PLEKHG1: variants seen among roughly 807,000 people sequenced by gnomAD.
The protein encoded by PLEKHG1 is pleckstrin homology and RhoGEF domain containing G1, also known as pleckstrin homology domain-containing family G member 1.
In PLEKHG1, 44 loss-of-function variants were observed where a neutral mutation model predicts 100.8. That is an observed-to-expected ratio of 0.44 (90% CI 0.34 to 0.56). The LOEUF (loss-of-function observed/expected upper bound fraction) is 0.56. Among genes scored for constraint, PLEKHG1 ranks in the 20% least tolerant of loss-of-function variants. PLEKHG1 has a pLI of 0.01. For missense variants in PLEKHG1, 1,545 were observed against 1,720.9 expected (o/e 0.90, Z 1.81); for synonymous variants, 640 against 662.5 (o/e 0.97, Z 0.52).
At chr6:150,645,155 C>T (rs536005167) in intron 2 of PLEKHG1, among the ~76,000 whole-genome samples, 2 of 152,270 alleles carry the variant, frequency 1.3e-5, no homozygotes, top group South Asian at 4.2e-4. Context: ...AAATAGTAAT[C>T]TTGAAACAGG....
upstream of PLEKHG1, among the ~76,000 whole-genome samples, chr6:150,720,826 C>T (rs1583000274): frequency 1.3e-5 from 2 of 152,076 alleles, no homozygotes; most frequent in South Asian, 2.1e-4. Flanking sequence ...CAGCTTTGGG[C>T]GAGTGTGGGT....
In PLEKHG1 at chr6:150,638,475, C is replaced by G. The variant is rs112702808; in HGVS notation, c.-158+350C>G. Among the ~76,000 whole-genome samples, 1,481 of 152,314 alleles carry G rather than the reference C, an allele frequency of 9.7e-3. 28 individuals carry two copies. The highest frequency in any genetic ancestry group is 0.033 in the African/African-American group (1,366 of 41,570). On this transcript the variant is annotated intron_variant, in intron 2 of 3. Transcript: ENST00000367326. ...GATTTTTTCCTAACATTCATTGACC[C>G]TTGCTTGAACCTTTCTTCTCATTGC...
At chr6:150,693,050 T>C (rs548827539) in intron 3 of PLEKHG1, among the ~76,000 whole-genome samples, 11 of 152,282 alleles carry the variant, frequency 7.2e-5, no homozygotes, top group African/African-American at 2.6e-4. Context: ...CTCAGGGAAC[T>C]GTTCCTGCGG....
At chr6:150,680,260 A>G (rs1353774947) in intron 3 of PLEKHG1, among the ~76,000 whole-genome samples, 3 of 152,214 alleles carry the variant, frequency 2.0e-5, no homozygotes, top group Non-Finnish European at 4.4e-5. Flanking sequence ...TGAATTAAGA[A>G]GTAAAGAAAT....
intron 4 of PLEKHG1, among the ~76,000 whole-genome samples, chr6:150,787,333 C>T (rs1037457507): frequency 1.3e-5 from 2 of 152,172 alleles, no homozygotes; most frequent in African/African-American, 4.8e-5. Flanking sequence ...ACAGTGAGCT[C>T]GTGCTCCGAA....
intron 3 of PLEKHG1, chr6:150,662,370 C>A (rs1029321588): frequency 8.5e-5 from 13 of 152,264 alleles, no homozygotes; most frequent in Admixed American, 3.9e-4. Flanking sequence ...AAATAAACAA[C>A]CATTTACAAA....
chr6:150,761,552 C>T (rs1014402432), intron 2 of PLEKHG1, among the ~76,000 whole-genome samples: 2 of 152,072 alleles, frequency 1.3e-5, no homozygotes, highest in Non-Finnish European at 2.9e-5. Flanking sequence ...GTCTCGGCCT[C>T]CCAAAGTGCT....
intron 3 of PLEKHG1, among the ~76,000 whole-genome samples, chr6:150,774,809 G>T (rs11961087): frequency 9.2e-5 from 14 of 151,494 alleles, no homozygotes; most frequent in Admixed American, 5.9e-4. Flanking sequence ...GGGATTACAG[G>T]GGGGAGCCAC....
chr6:150,797,026 C>T (rs1251315647), intron 5 of PLEKHG1, among the ~76,000 whole-genome samples: 3 of 151,984 alleles, frequency 2.0e-5, no homozygotes, highest in South Asian at 2.1e-4. Context: ...AGTCTCACTC[C>T]GCCACCCAGG....
At chr6:150,758,615 G>A (rs367813993) in intron 2 of PLEKHG1, among the ~76,000 whole-genome samples, 2 of 152,114 alleles carry the variant, frequency 1.3e-5, no homozygotes, top group African/African-American at 2.4e-5. Context: ...GATTACAGGC[G>A]TGAGCCACCA....
intron 3 of PLEKHG1, among the ~76,000 whole-genome samples, chr6:150,674,676 T>TCC (rs1562427750): frequency 7.1e-6 from 1 of 141,062 alleles, no homozygotes; most frequent in Admixed American, 7.1e-5. Flanking sequence ...TCTCTCTCTC[T>TCC]CTCTCTCCCC....
intron 13 of PLEKHG1, among the ~76,000 whole-genome samples, chr6:150,823,020 G>A (rs1776391963): frequency 6.6e-6 from 1 of 152,184 alleles, no homozygotes; most frequent in African/African-American, 2.4e-5. Context: ...CAGTTATGGT[G>A]GGATGGGAGT....
chr6:150,799,644 T>C (rs1041610908), intron 5 of PLEKHG1, among the ~76,000 whole-genome samples: 2 of 152,230 alleles, frequency 1.3e-5, no homozygotes, highest in Admixed American at 6.5e-5. Context: ...TGGAGAGTTT[T>C]GAAATCTTGA....
At chr6:150,783,101 T>C (rs1270236777) in intron 3 of PLEKHG1, among the ~76,000 whole-genome samples, 1 of 143,470 alleles carries the variant, frequency 7.0e-6, no homozygotes, top group Admixed American at 7.0e-5. Context: ...AAAAAAAAAC[T>C]TTGAAATTGA....
chr6:150,758,885 A>G (rs1783997833), intron 2 of PLEKHG1, among the ~76,000 whole-genome samples: 1 of 152,180 alleles, frequency 6.6e-6, no homozygotes, highest in Admixed American at 6.5e-5. Context: ...TCTTCATTTC[A>G]GAATGATTCC....
chr6:150,823,053 A>G (rs986928853), intron 13 of PLEKHG1, among the ~76,000 whole-genome samples: 2 of 152,206 alleles, frequency 1.3e-5, no homozygotes, highest in African/African-American at 4.8e-5. Context: ...GGAACGATAA[A>G]CATTCAGCTG....
At position 150,831,137 on chromosome 6, in the gene PLEKHG1, C is replaced by T. The variant is rs371565523; in HGVS notation, c.2026C>T (p.Arg676Trp). 6.3e-5 allele frequency: 101 copies of T among 1,613,450 alleles called. No individual in the cohort carries two copies. The highest frequency in any genetic ancestry group is 1.4e-4 in the South Asian group (13 of 91,028). The change falls in exon 15 of 16, where the codon CGG becomes TGG. Residue 676 changes from arginine to tryptophan, a missense_variant. By Grantham distance (101) the Arg-to-Trp change is moderately radical. Coordinates refer to ENST00000358517, the Ensembl canonical transcript of PLEKHG1. This position sits in a 1 kb window ranked among gnomAD's most constrained non-coding sequence, Gnocchi z 4.1. ...GGACTTAAAACTAATGGTTGCTAAG[C>T]GGGAAGAAGCTGAATCCACTCCCTC...
chr6:150,674,792 C>G (rs1410893732), intron 3 of PLEKHG1, among the ~76,000 whole-genome samples: 1 of 151,980 alleles, frequency 6.6e-6, no homozygotes, highest in African/African-American at 2.4e-5. Context: ...AAGAGATTCT[C>G]CTGCCTCAGC....
At chr6:150,711,078 T>C (rs1306868862) in intron 3 of PLEKHG1, among the ~76,000 whole-genome samples, 1 of 152,224 alleles carries the variant, frequency 6.6e-6, no homozygotes, top group Non-Finnish European at 1.5e-5. Context: ...GAATATTTAT[T>C]TCCCAGAGGA....
Sources: allele counts gnomAD v4.1 joint callset (sites outside exome capture counted in the v4.1 genomes callset), GRCh38; gene constraint gnomAD v4.1.1; non-coding constraint Gnocchi (gnomAD v3.1); transcripts MANE v1.5; gene names NCBI Gene and HGNC (gene_info 2026-07-23, HGNC 2026-07-21).